ANO6: variants seen among roughly 807,000 people sequenced by gnomAD.
The protein encoded by ANO6 is anoctamin 6, also known as anoctamin-6.
Under a neutral mutation model 117.5 loss-of-function variants are expected in ANO6, and 106 were observed. The ratio of observed to expected loss-of-function variants is 0.90; its 90% CI spans 0.77 to 1.06. The LOEUF (loss-of-function observed/expected upper bound fraction) is 1.06. Ranked by LOEUF, ANO6 falls within the 50% of genes least tolerant of loss-of-function variation. The probability of loss-of-function intolerance (pLI) is 0.00; values close to 1 mark genes in which losing one functional copy is unlikely to be tolerated. For synonymous variants in ANO6, 367 were observed against 385.1 expected, an observed-to-expected ratio of 0.95 and a Z score of 0.55; for missense variants, 955 against 1,121.1, an observed-to-expected ratio of 0.85 and a Z score of 2.12.
At chr12:45,385,157 C>T (rs1239353885) in intron 10 of ANO6, among the ~76,000 whole-genome samples, 1 of 152,132 alleles carries the variant, frequency 6.6e-6, no homozygotes, top group African/African-American at 2.4e-5. Context: ...AATCCCTGCA[C>T]ATGTGAAGGT....
At chr12:45,232,754 C>G (rs1352331291) in intron 1 of ANO6, among the ~76,000 whole-genome samples, 1 of 152,182 alleles carries the variant, frequency 6.6e-6, no homozygotes, top group Non-Finnish European at 1.5e-5. Context: ...TCCAGTGCCC[C>G]TTTGTTCCTT....
intron 2 of ANO6, among the ~76,000 whole-genome samples, chr12:45,317,437 CAA>C (rs1940087462): frequency 6.6e-6 from 1 of 151,506 alleles, no homozygotes; most frequent in Non-Finnish European, 1.5e-5. Flanking sequence ...CATGTCCCTG[CAA>C]AGGACATGAA....
chr12:45,219,187 CA>C (rs1004663091), intron 1 of ANO6, among the ~76,000 whole-genome samples: 30 of 151,230 alleles, frequency 2.0e-4, no homozygotes, highest in African/African-American at 6.3e-4. Context: ...CCCCTCCCCC[CA>C]AAAAAAAACT....
At chr12:45,278,462 T>G (rs1054474295) in intron 1 of ANO6, among the ~76,000 whole-genome samples, 10 of 152,238 alleles carry the variant, frequency 6.6e-5, no homozygotes, top group Admixed American at 5.9e-4. Context: ...ATGTTTCCTA[T>G]TTTTCACCTC....
At chr12:45,375,700 C>A (rs199866005) in intron 9 of ANO6, among the ~76,000 whole-genome samples, 8,178 of 151,232 alleles carry the variant, frequency 0.054, 391 homozygotes, top group East Asian at 0.31. Flanking sequence ...TTACAAAAAT[C>A]AATTCAAGAT....
intron 2 of ANO6, among the ~76,000 whole-genome samples, chr12:45,310,421 A>G (rs1939811523): frequency 6.6e-6 from 1 of 152,106 alleles, no homozygotes; most frequent in Non-Finnish European, 1.5e-5. Flanking sequence ...TAAGTGAGTC[A>G]AGGCTTGTGA....
intron 16 of ANO6, 74 bp from the exon 17 acceptor site, chr12:45,416,625 T>G: frequency 6.9e-7 from 1 of 1,456,698 alleles, no homozygotes; most frequent in Non-Finnish European, 9.6e-7. Context: ...TGCCTTTCTC[T>G]TTCAAGAGTA....
intron 1 of ANO6, among the ~76,000 whole-genome samples, chr12:45,289,990 C>T (rs1420024816): frequency 2.0e-5 from 3 of 152,080 alleles, no homozygotes; most frequent in Non-Finnish European, 4.4e-5. Flanking sequence ...CAGAGCTGAA[C>T]TCATTTGATG....
At chr12:45,331,265 TATTACA>T in intron 2 of ANO6, 24 bp from the exon 3 acceptor site, 1 of 1,576,902 alleles carries the variant, frequency 6.3e-7, no homozygotes, top group Non-Finnish European at 8.7e-7. Flanking sequence ...AAAAATTATA[TATTACA>T]ATTTGTTTTT....
intron 1 of ANO6, among the ~76,000 whole-genome samples, chr12:45,279,124 A>G (rs1245936403): frequency 1.3e-5 from 2 of 152,070 alleles, no homozygotes; most frequent in Non-Finnish European, 2.9e-5. Context: ...TTTCCTAGGT[A>G]GGGTGGGGTT....
intron 9 of ANO6, among the ~76,000 whole-genome samples, chr12:45,377,643 A>G (rs900228859): frequency 9.2e-5 from 14 of 152,202 alleles, no homozygotes; most frequent in Admixed American, 5.2e-4. Context: ...ATGATGATAA[A>G]ATGTAAATCA....
At chr12:45,219,297 A>C (rs913283682) in intron 1 of ANO6, among the ~76,000 whole-genome samples, 2 of 152,098 alleles carry the variant, frequency 1.3e-5, no homozygotes, top group African/African-American at 4.8e-5. Flanking sequence ...CCTTTTAAAC[A>C]GTGGGTTCCT....
In ANO6 at chr12:45,401,920, A is replaced by G; in HGVS notation, c.1512A>G (p.Pro504=). ...ACCCAATCCAGAAATACCTGACTCC[A>G]CAGACAGCCACGTCCATCACGGCCT... ...GTDPIQKYLT[P]QTATSITASI... is the part of the protein sequence containing the mutation. The change falls in exon 13 of 20, where the codon CCA becomes CCG. Residue 504 remains proline, a synonymous_variant. Coordinates refer to ENST00000320560, the MANE Select transcript of ANO6 (RefSeq NM_001025356.3). 1 of 1,614,108 alleles carries G rather than the reference A, an allele frequency of 6.2e-7. No individual in the cohort carries two copies. Among genetic ancestry groups the G allele is most frequent in the Non-Finnish European group, 8.5e-7 (1 of 1,179,996 alleles).
Position 45,216,130 on chromosome 12 carries a change from C to T in ANO6, c.-192C>T. ...CTCCGCTCGGCAGGCGAGAGGCGTC[C>T]TCCGGCTCTGGGCTCCGGTCGGTGG... On this transcript the variant is annotated 5_prime_UTR_variant, in exon 1 of 20. Coordinates refer to ENST00000320560, the MANE Select transcript of ANO6 (RefSeq NM_001025356.3). 4.9e-6 allele frequency: 3 copies of T among 616,016 alleles called. No homozygotes were observed. Among genetic ancestry groups the T allele is most frequent in the East Asian group, 2.9e-5 (1 of 34,154 alleles). The allele number at this position is 616,016 out of a possible 1,614,324, so 38.2% of individuals were successfully genotyped here.
intron 2 of ANO6, among the ~76,000 whole-genome samples, chr12:45,317,757 A>G (rs1037268811): frequency 6.6e-6 from 1 of 152,104 alleles, no homozygotes; most frequent in African/African-American, 2.4e-5. Context: ...AAGTGTTGCT[A>G]TTTCTCCACA....
At chr12:45,374,664 TA>T (rs1306292355) in intron 9 of ANO6, among the ~76,000 whole-genome samples, 1 of 129,946 alleles carries the variant, frequency 7.7e-6, no homozygotes, top group Non-Finnish European at 1.6e-5. Flanking sequence ...CCCTTCATGC[TA>T]AAAACTCTCA....
chr12:45,426,302 C>T (rs550815224), intron 19 of ANO6, among the ~76,000 whole-genome samples: 1 of 152,218 alleles, frequency 6.6e-6, no homozygotes, highest in East Asian at 1.9e-4. Context: ...AGAACTCTTT[C>T]CTACAGCATC....
chr12:45,255,818 G>GGTTTTT (rs749001458), intron 1 of ANO6, among the ~76,000 whole-genome samples: 2 of 81,712 alleles, frequency 2.4e-5, no homozygotes, highest in African/African-American at 9.0e-5. Flanking sequence ...CTCCCTGGGT[G>GGTTTTT]TTTTTTTTTT....
chr12:45,267,732 A>C (rs1184479825), intron 1 of ANO6, among the ~76,000 whole-genome samples: 1 of 152,200 alleles, frequency 6.6e-6, no homozygotes. Context: ...TGGAGGTTAC[A>C]GTGAGCTGAG....
Sources: allele counts gnomAD v4.1 joint callset (sites outside exome capture counted in the v4.1 genomes callset), GRCh38; gene constraint gnomAD v4.1.1; transcripts MANE v1.5; gene names NCBI Gene and HGNC (gene_info 2026-07-23, HGNC 2026-07-21).